PPFIA2: variants seen among roughly 807,000 people sequenced by gnomAD.
PPFIA2 encodes the protein liprin-alpha-2.
PPFIA2 carries 46 observed loss-of-function variants against 175.5 expected under a neutral mutation model. That is an observed-to-expected ratio of 0.26 (90% confidence interval 0.21 to 0.34). The LOEUF (loss-of-function observed/expected upper bound fraction) is 0.34. Among genes scored for constraint, PPFIA2 ranks in the 10% least tolerant of loss-of-function variants. PPFIA2 has a pLI of 1.00. For missense variants in PPFIA2, 1,179 were observed against 1,506.1 expected, an observed-to-expected ratio of 0.78 and a Z score of 3.60; for synonymous variants, 568 against 511.4, an observed-to-expected ratio of 1.11 and a Z score of -1.49.
chr12:81,688,180 G>T (rs1337498150), intron 3 of PPFIA2, among the ~76,000 whole-genome samples: 1 of 151,654 alleles, frequency 6.6e-6, no homozygotes, highest in African/African-American at 2.4e-5. Flanking sequence ...TAATCTTTTT[G>T]CTGTACATTA....
chr12:81,469,375 G>C lies in PPFIA2; in HGVS notation c.304-11509C>G, dbSNP rs532412250. Among the ~76,000 whole-genome samples, 3 of 152,302 alleles carry C rather than the reference G, an allele frequency of 2.0e-5. No individual in the cohort carries two copies. In the South Asian group the frequency reaches 6.2e-4, roughly 32 times the overall value. On this transcript the variant is annotated intron_variant, in intron 4 of 32. Transcript: ENST00000549396. Reference sequence around the variant, plus strand: ...AATGGTGAAAAAGACATCGTAAATAGAAGTAAGTGAACAATAATTACAATG... The same window carrying C: ...AATGGTGAAAAAGACATCGTAAATACAAGTAAGTGAACAATAATTACAATG...
At chr12:81,736,569 G>C (rs2081602293) in intron 3 of PPFIA2, among the ~76,000 whole-genome samples, 1 of 151,840 alleles carries the variant, frequency 6.6e-6, no homozygotes, top group South Asian at 2.1e-4. Context: ...ATTTGAAGGA[G>C]GAAACGCCGG....
chr12:81,666,134 G>GA (rs2070204395), intron 4 of PPFIA2, among the ~76,000 whole-genome samples: 1 of 152,174 alleles, frequency 6.6e-6, no homozygotes, highest in Non-Finnish European at 1.5e-5. Context: ...AGGATGTGGA[G>GA]AAATAGGAAC....
intron 4 of PPFIA2, among the ~76,000 whole-genome samples, 176 bp from the exon 5 acceptor site, chr12:81,458,042 T>C (rs901243280): frequency 2.0e-5 from 3 of 152,208 alleles, no homozygotes; most frequent in Admixed American, 6.5e-5. Context: ...TAATCCATAA[T>C]ATGTGTCATA....
intron 11 of PPFIA2, among the ~76,000 whole-genome samples, chr12:81,373,916 C>T (rs1375609558): frequency 6.6e-6 from 1 of 151,898 alleles, no homozygotes; most frequent in African/African-American, 2.4e-5. Context: ...GTCAAACATG[C>T]TTTTAGTGAC....
At chr12:81,731,518 A>C (rs986400720) in intron 3 of PPFIA2, among the ~76,000 whole-genome samples, 1 of 151,728 alleles carries the variant, frequency 6.6e-6, no homozygotes, top group Non-Finnish European at 1.5e-5. Flanking sequence ...GTTTCACAAA[A>C]GAGCCTTACT....
chr12:81,684,737 C>G (rs1445758183), intron 3 of PPFIA2, among the ~76,000 whole-genome samples: 2 of 152,050 alleles, frequency 1.3e-5, no homozygotes, highest in Non-Finnish European at 2.9e-5. Flanking sequence ...GTTATAACTC[C>G]AAGCCCAGCA....
chr12:81,332,682 C>A (rs953631525), intron 21 of PPFIA2, among the ~76,000 whole-genome samples: 1 of 152,050 alleles, frequency 6.6e-6, no homozygotes, highest in South Asian at 2.1e-4. Context: ...TCTTTATGTG[C>A]CCACACTTGT....
chr12:81,305,632 T>A (rs2048952024), intron 22 of PPFIA2, among the ~76,000 whole-genome samples: 1 of 152,118 alleles, frequency 6.6e-6, no homozygotes, highest in Non-Finnish European at 1.5e-5. Context: ...ATTTTCTCTA[T>A]CCCTTGAGTG....
chr12:81,481,176 A>G (rs1198067894), intron 4 of PPFIA2, among the ~76,000 whole-genome samples: 1 of 152,168 alleles, frequency 6.6e-6, no homozygotes, highest in African/African-American at 2.4e-5. Flanking sequence ...TAGGAATACA[A>G]CTCACAAGGG....
chr12:81,580,870 A>AT (rs988800778), intron 4 of PPFIA2, among the ~76,000 whole-genome samples: 22 of 151,806 alleles, frequency 1.4e-4, no homozygotes, highest in Non-Finnish European at 1.9e-4. Context: ...AAAAAAGTGT[A>AT]TTTTTTTCCT....
At chr12:81,304,575 A>G (rs1045583083) in intron 22 of PPFIA2, among the ~76,000 whole-genome samples, 2 of 152,214 alleles carry the variant, frequency 1.3e-5, no homozygotes, top group African/African-American at 4.8e-5. Flanking sequence ...GAGTAGAAAC[A>G]TGTACGTTGA....
intron 7 of PPFIA2, among the ~76,000 whole-genome samples, chr12:81,421,826 G>GAC (rs747547593): frequency 1.3e-5 from 2 of 151,898 alleles, no homozygotes; most frequent in African/African-American, 2.4e-5. Flanking sequence ...TACATATAAA[G>GAC]ACACACACAG....
rs1036215297 is a variant in PPFIA2, at chr12:81,393,059, T to C, written c.763-8815A>G. On this transcript the variant is annotated intron_variant, in intron 8 of 32. Transcript: ENST00000549396. ...GGTTCTTTTTTTCTAACCTTGTTTC[T>C]TATTTTCATTCTTATAGCAGTCAGA... Among the ~76,000 whole-genome samples, 7 of 152,218 alleles carry C rather than the reference T, an allele frequency of 4.6e-5. No homozygotes were observed. The East Asian group carries it at 1.4e-3, about 29-fold the overall frequency.
At position 81,380,702 on chromosome 12, in the gene PPFIA2, C is replaced by T. The variant is rs1018454678; in HGVS notation, c.984+3321G>A. Among the ~76,000 whole-genome samples the T allele has an allele frequency of 4.6e-5, 7 of 152,220 alleles. No individual in the cohort carries two copies. In the East Asian group the frequency reaches 1.4e-3, roughly 29 times the overall value. ...AAGCCATGCTGATCTTATTTCTCTT[C>T]CGTGCTGCCGAGGAGGGAACTGCAT... is the stretch of plus-strand genomic sequence containing the variant. On this transcript the variant is annotated intron_variant, in intron 9 of 32. Coordinates refer to ENST00000549396, the MANE Select transcript of PPFIA2 (RefSeq NM_003625.5).
intron 4 of PPFIA2, among the ~76,000 whole-genome samples, chr12:81,562,974 T>C (rs1449876893): frequency 6.6e-6 from 1 of 151,850 alleles, no homozygotes; most frequent in African/African-American, 2.4e-5. Flanking sequence ...AGGAAAGATA[T>C]TCTTGCAAGT....
Position 81,384,180 on chromosome 12 carries a change from A to G in PPFIA2, c.827T>C (p.Leu276Ser). The change falls in exon 9 of 33, where the codon TTG (leucine) becomes TCG (serine). Residue 276 changes from leucine to serine, a missense_variant. This residue lies in a region of PPFIA2 where 226 missense variants were observed against 216.6 expected (regional missense o/e 1.04). Coordinates refer to ENST00000549396, the MANE Select transcript of PPFIA2 (RefSeq NM_003625.5). ...CATTTCATAGTTTTGCTTTTCAAGC[A>G]ATTCTTGTAGTTCAACTATTTGACT... is the stretch of plus-strand genomic sequence containing the variant. ...ETSQIVELQELLEKQNYEMAQ... is the reference protein window; with the variant it reads ...ETSQIVELQESLEKQNYEMAQ... 1 of 1,610,666 alleles carries G rather than the reference A, an allele frequency of 6.2e-7. No individual in the cohort carries two copies. Among genetic ancestry groups the G allele is most frequent in the East Asian group, 2.2e-5 (1 of 44,684 alleles).
chr12:81,390,942 T>A (rs1455635405), intron 8 of PPFIA2, among the ~76,000 whole-genome samples: 1 of 151,788 alleles, frequency 6.6e-6, no homozygotes, highest in East Asian at 1.9e-4. Context: ...CAATGGTGTC[T>A]CATATGTTAA....
At chr12:81,553,677 T>A (rs567266289) in intron 4 of PPFIA2, among the ~76,000 whole-genome samples, 1 of 152,190 alleles carries the variant, frequency 6.6e-6, no homozygotes, top group South Asian at 2.1e-4. Flanking sequence ...AAACCATCCT[T>A]GCTTGACACC....
Sources: gnomAD v4.1 joint callset for allele counts (sites outside exome capture counted in the v4.1 genomes callset) on GRCh38, gnomAD v4.1.1 for gene constraint, gnomAD v4.1.1 regional missense constraint, MANE v1.5 for transcripts, NCBI Gene and HGNC (gene_info 2026-07-23, HGNC 2026-07-21) for gene names.